Variants in RAD51D observed in about 807,000 individuals in gnomAD.
RAD51D encodes RAD51 paralog D, also known as DNA repair protein RAD51 homolog 4.
A neutral mutation model predicts 44.1 loss-of-function variants in RAD51D; 38 were observed. The observed-to-expected ratio is 0.86, with a 90% CI of 0.67 to 1.13. The LOEUF (loss-of-function observed/expected upper bound fraction) is 1.13, where lower values mean the gene tolerates loss of function less well. RAD51D is among the 50% of genes most tolerant of loss of function. The pLI, the probability that RAD51D is intolerant of heterozygous loss-of-function variation, is 0.00. For synonymous variants in RAD51D, 141 were observed against 166.6 expected (o/e 0.85, Z 1.18); for missense variants, 390 against 414.0 (o/e 0.94, Z 0.50).
rs1555568392 is a variant in RAD51D at position 35,107,128 on chromosome 17, G to T, written c.346-6C>A. ...GCTGCCATACAGAGACATACCTGGGGGTGGGGGCATTGGATGAACTTGACA... is the reference window on the plus strand; with the variant it reads ...GCTGCCATACAGAGACATACCTGGGTGTGGGGGCATTGGATGAACTTGACA... On this transcript the variant is annotated splice_region_variant and splice_polypyrimidine_tract_variant and intron_variant, in intron 4 of 9. Coordinates refer to ENST00000345365, the MANE Select transcript of RAD51D (RefSeq NM_002878.4). 6.2e-7 allele frequency: 1 copy of T among 1,614,012 alleles called. No homozygotes were observed. The highest frequency in any genetic ancestry group is 2.2e-5 in the East Asian group (1 of 44,874).
intron 2 of RAD51D, 90 bp downstream of exon 2, chr17:35,119,021 A>C (rs2091786056): frequency 3.1e-6 from 4 of 1,280,360 alleles, no homozygotes; most frequent in Non-Finnish European, 4.5e-6. Context: ...AAGTGCTGGG[A>C]TTACAGGCAT....
Position 35,119,643 on chromosome 17 carries a change from G to C in RAD51D, c.-30C>G, listed in dbSNP as rs887945490. On this transcript the variant is annotated 5_prime_UTR_variant, in exon 1 of 10. Coordinates refer to ENST00000345365, the MANE Select transcript of RAD51D (RefSeq NM_002878.4). ...CCCGCAGGCCGGAACAGCCCCAGGG[G>C]GACTGCACGTCACGTGGGCATTCGC... The C allele has an allele frequency of 1.2e-6, 2 of 1,605,752 alleles. No individual in the cohort carries two copies. Among genetic ancestry groups the C allele is most frequent in the African/African-American group, 2.7e-5 (2 of 74,906 alleles).
chr17:35,106,398 A>T lies in RAD51D; in HGVS notation c.564T>A (p.Thr188=), dbSNP rs1258276444. 3.1e-6 allele frequency: 5 copies of T among 1,613,018 alleles called. No individual in the cohort carries two copies. Among genetic ancestry groups the T allele is most frequent in the Non-Finnish European group, 4.2e-6 (5 of 1,179,518 alleles). ...MLDVLQELRG[T]VAQQVTGSSG... is the part of the protein sequence containing the mutation. ...ACAGCAGGCTCACCTGCTGGGCCACAGTGCCTCGGAGCTCCTGCAGCACAT... is the reference window on the plus strand; with the variant it reads ...ACAGCAGGCTCACCTGCTGGGCCACTGTGCCTCGGAGCTCCTGCAGCACAT... Residue 188 remains threonine, a synonymous_variant, in exon 6 of 10, where the codon ACT becomes ACA. Coordinates refer to ENST00000345365, the MANE Select transcript of RAD51D (RefSeq NM_002878.4).
chr17:35,106,949 G>C (rs769338992), intron 5 of RAD51D, 39 bp downstream of exon 5: 1 of 1,614,130 alleles, frequency 6.2e-7, no homozygotes, highest in Non-Finnish European at 8.5e-7. Context: ...GGGTTTTCCT[G>C]TGTCAGAATC....
chr17:35,116,003 AAGAAAG>A (rs1177513061), intron 3 of RAD51D, among the ~76,000 whole-genome samples: 1 of 151,454 alleles, frequency 6.6e-6, no homozygotes, highest in Admixed American at 6.6e-5. Context: ...GAAAGAAAGA[AAGAAAG>A]AAAGGCTAGA....
chr17:35,103,127 C>T lies in RAD51D; in HGVS notation c.738+127G>A, dbSNP rs1195514705. 1.2e-6 allele frequency: 1 copy of T among 843,740 alleles called. No individual in the cohort carries two copies. Among genetic ancestry groups the T allele is most frequent in the Non-Finnish European group, 2.0e-6 (1 of 503,016 alleles). The allele number at this position is 843,740 out of a possible 1,614,324, so 52.3% of individuals were successfully genotyped here. On this transcript the variant is annotated intron_variant, in intron 8 of 9. Coordinates refer to ENST00000345365, the MANE Select transcript of RAD51D (RefSeq NM_002878.4). This position sits in a 1 kb window ranked among gnomAD's most constrained non-coding sequence, Gnocchi z 4.1. ...ATTTATGGTGCAAAGCTGTAGCTGACCCAGGGAAGCTGGGATATGTCCCTT... is the reference window on the plus strand; with the variant it reads ...ATTTATGGTGCAAAGCTGTAGCTGATCCAGGGAAGCTGGGATATGTCCCTT...
Position 35,118,518 on chromosome 17 carries a change from C to T in RAD51D, c.246G>A (p.Leu82=), listed in dbSNP as rs778585939. 1 of 1,613,910 alleles carries T rather than the reference C, an allele frequency of 6.2e-7. No individual in the cohort carries two copies. Among genetic ancestry groups the T allele is most frequent in the South Asian group, 1.1e-5 (1 of 91,074 alleles). Residue 82 remains leucine, a synonymous_variant, in exon 3 of 10, where the codon CTG becomes CTA. Transcript: ENST00000345365. Reference sequence around the variant, plus strand: ...ACACAAACCTGCCAATGCCAGTGGACAGGATGGCAGTGGAGGTCTTCAGTT... The same window carrying T: ...ACACAAACCTGCCAATGCCAGTGGATAGGATGGCAGTGGAGGTCTTCAGTT... The part of the protein sequence containing the change: ...YEELKTSTAI[L]STGIGSLDKL...
At chr17:35,107,482 G>T in intron 3 of RAD51D, 35 bp from the exon 4 acceptor site, 5 of 1,471,584 alleles carry the variant, frequency 3.4e-6, no homozygotes, top group Non-Finnish European at 4.8e-6. Flanking sequence ...AACACAAGAG[G>T]TTAGGAGGAA....
chr17:35,115,612 G>A (rs2091726652), intron 3 of RAD51D, among the ~76,000 whole-genome samples: 1 of 152,256 alleles, frequency 6.6e-6, no homozygotes, highest in Admixed American at 6.5e-5. Context: ...GCTCACGCCT[G>A]TAATCCCAGC....
chr17:35,111,354 CAAAA>C (rs60278898), intron 3 of RAD51D, among the ~76,000 whole-genome samples: 1 of 127,378 alleles, frequency 7.9e-6, no homozygotes. Flanking sequence ...AACTCCATCT[CAAAA>C]AAAAAAAAAA....
In RAD51D at chr17:35,118,591, A is replaced by G; in HGVS notation, c.173T>C (p.Leu58Pro). 1 of 1,614,232 alleles carries G rather than the reference A, an allele frequency of 6.2e-7. No individual in the cohort carries two copies. Among genetic ancestry groups the G allele is most frequent in the Non-Finnish European group, 8.5e-7 (1 of 1,180,048 alleles). Residue 58 changes from leucine to proline, a missense_variant, in exon 3 of 10, where the codon CTG (leucine) becomes CCG (proline). By Grantham distance (98) the Leu-to-Pro change is moderately conservative (BLOSUM62 -3). Transcript: ENST00000345365. ...CACGGGGAAAGCCGAGAACTGAGCCAGCAGCACCCGCCTCAGGGCAACCAG... is the reference window on the plus strand; with the variant it reads ...CACGGGGAAAGCCGAGAACTGAGCCGGCAGCACCCGCCTCAGGGCAACCAG... The part of the protein sequence containing the change: ...KALVALRRVL[L>P]AQFSAFPVNG...
Position 35,100,890 on chromosome 17 carries a change from T to C in RAD51D, c.*63A>G, listed in dbSNP as rs1262339493. The C allele has an allele frequency of 1.4e-6, 2 of 1,390,526 alleles. No homozygotes were observed. The highest frequency in any genetic ancestry group is 4.6e-5 in the East Asian group (2 of 43,900). The allele number at this position is 1,390,526 out of a possible 1,614,324, so 86.1% of individuals were successfully genotyped here. A position where few individuals can be genotyped will look rare whatever the true frequency, so the allele number is the denominator to read the frequency against. On this transcript the variant is annotated 3_prime_UTR_variant, in exon 10 of 10. Transcript: ENST00000345365. ...CCAGGTGGCAGTAAACAGCAGGCGTTACTGGGAAGAAAAGTTGGGAGGGGT... is the reference window on the plus strand; with the variant it reads ...CCAGGTGGCAGTAAACAGCAGGCGTCACTGGGAAGAAAAGTTGGGAGGGGT...
chr17:35,098,735 A>G lies in RAD51D; in HGVS notation c.*2218T>C, dbSNP rs1415066766. On this transcript the variant is annotated 3_prime_UTR_variant, in exon 10 of 10. Transcript: ENST00000345365. ...TGGGAATTAAAAAAAAAAGAGTCCT[A>G]GGAATCAAGTTGTGGGTTCCAGATC... 2 of 152,026 alleles carry G rather than the reference A, an allele frequency of 1.3e-5. No homozygotes were observed. Among genetic ancestry groups the G allele is most frequent in the Non-Finnish European group, 2.9e-5 (2 of 68,002 alleles). 9.4% of individuals were successfully genotyped at this position (152,026 alleles called of 1,614,324 possible). A position where few individuals can be genotyped will look rare whatever the true frequency, so the allele number is the denominator to read the frequency against.
chr17:35,117,122 T>C, intron 3 of RAD51D: 1 of 1,402,420 alleles, frequency 7.1e-7, no homozygotes, highest in Non-Finnish European at 9.8e-7. Context: ...CCCTCGGTGC[T>C]TACAGCTCTC....
chr17:35,099,784 C>A lies in RAD51D; in HGVS notation c.*1169G>T, dbSNP rs555251476. The A allele has an allele frequency of 2.0e-5, 9 of 455,470 alleles. No homozygotes were observed. Among genetic ancestry groups the A allele is most frequent in the African/African-American group, 1.4e-4 (7 of 50,458 alleles). 28.2% of individuals were successfully genotyped at this position (455,470 alleles called of 1,614,324 possible). On this transcript the variant is annotated 3_prime_UTR_variant, in exon 10 of 10. Coordinates refer to ENST00000345365, the MANE Select transcript of RAD51D (RefSeq NM_002878.4). ...TTAAAAGATGTGGCCAGTAACCAAT[C>A]CTGATCATTTCTGTACTTTTCCTTT...
At chr17:35,118,962 C>T (rs779767249) in intron 2 of RAD51D, 149 bp downstream of exon 2, 58 of 756,974 alleles carry the variant, frequency 7.7e-5, no homozygotes, top group Non-Finnish European at 1.3e-4. Flanking sequence ...TGGATGGTCT[C>T]GAACTCCTGA....
chr17:35,108,949 C>T (rs2091643737), intron 3 of RAD51D, among the ~76,000 whole-genome samples: 1 of 150,862 alleles, frequency 6.6e-6, no homozygotes, highest in African/African-American at 2.4e-5. Context: ...TCATTGCAAC[C>T]TCCACCTCCC....
Position 35,092,525 on chromosome 17 carries a change from T to C in RAD51D, c.*8428A>G, listed in dbSNP as rs2091463063. The C allele has an allele frequency of 6.6e-6, 1 of 152,168 alleles. No individual in the cohort carries two copies. The highest frequency in any genetic ancestry group is 6.5e-5 in the Admixed American group (1 of 15,274). 9.4% of individuals were successfully genotyped at this position (152,168 alleles called of 1,614,324 possible). A position where few individuals can be genotyped will look rare whatever the true frequency, so the allele number is the denominator to read the frequency against. Reference sequence around the variant, plus strand: ...TTACCAACAAAGAATGTAATTCCCCTGCAACATACACTTTACCAGTAGGAC... The same window carrying C: ...TTACCAACAAAGAATGTAATTCCCCCGCAACATACACTTTACCAGTAGGAC... On this transcript the variant is annotated 3_prime_UTR_variant, in exon 10 of 10. Transcript: ENST00000345365.
intron 3 of RAD51D, among the ~76,000 whole-genome samples, chr17:35,110,282 TG>T (rs1460644689): frequency 2.0e-5 from 3 of 152,144 alleles, no homozygotes; most frequent in Admixed American, 6.5e-5. Context: ...ATTTTCTAAT[TG>T]AATTGTTTGA....
Sources: allele counts gnomAD v4.1 joint callset (sites outside exome capture counted in the v4.1 genomes callset), GRCh38; gene constraint gnomAD v4.1.1; non-coding constraint Gnocchi (gnomAD v3.1); transcripts MANE v1.5; gene names NCBI Gene and HGNC (gene_info 2026-07-23, HGNC 2026-07-21).